Variants in ENTREP2 observed in about 807,000 individuals in gnomAD.
The protein encoded by ENTREP2 is protein ENTREP2.
chr15:29,174,906 T>C, the ENTREP2 span, among the ~76,000 whole-genome samples: 1 of 152,182 alleles, frequency 6.6e-6, no homozygotes, highest in African/African-American at 2.4e-5. Context: ...CTGCTCAGAG[T>C]ATAAGCACAT....
the ENTREP2 span, among the ~76,000 whole-genome samples, chr15:29,497,019 C>A: frequency 6.6e-6 from 1 of 152,058 alleles, no homozygotes; most frequent in Non-Finnish European, 1.5e-5. Flanking sequence ...GAAGTAGGGC[C>A]TAATGGGAGG....
At chr15:29,122,683 C>G in the ENTREP2 span, 1 of 152,236 alleles carries the variant, frequency 6.6e-6, no homozygotes, top group Non-Finnish European at 1.5e-5. Context: ...CTCCAACCCC[C>G]GCAACACCGG....
At chr15:29,292,360 CTTCCTTCTTTCTTTCT>C in the ENTREP2 span, among the ~76,000 whole-genome samples, 8 of 147,962 alleles carry the variant, frequency 5.4e-5, no homozygotes, top group Non-Finnish European at 4.5e-5. Context: ...TCCTTCCTTC[CTTCCTTCTTTCTTTCT>C]TTCCTTCTTT....
chr15:29,341,044 G>A, the ENTREP2 span, among the ~76,000 whole-genome samples: 4 of 152,174 alleles, frequency 2.6e-5, no homozygotes, highest in African/African-American at 7.2e-5. Context: ...TATCACTCCC[G>A]CCTTCCAGTG....
chr15:29,286,337 G>C, the ENTREP2 span, among the ~76,000 whole-genome samples: 1 of 151,730 alleles, frequency 6.6e-6, no homozygotes, highest in African/African-American at 2.4e-5. Context: ...CTCGATATAA[G>C]GTTAATAGAC....
At chr15:29,160,708 C>CAAAAA in the ENTREP2 span, among the ~76,000 whole-genome samples, 9 of 36,262 alleles carry the variant, frequency 2.5e-4, 1 homozygote, top group African/African-American at 8.7e-4. Flanking sequence ...GACTCTGTCT[C>CAAAAA]AAAAAAAAAA....
chr15:29,611,377 TA>T, the ENTREP2 span, among the ~76,000 whole-genome samples: 17 of 147,044 alleles, frequency 1.2e-4, no homozygotes, highest in East Asian at 5.9e-4. Context: ...TAAAACTCAT[TA>T]AAAAAAAAAC....
chr15:29,574,155 C>T, the ENTREP2 span, among the ~76,000 whole-genome samples: 1 of 152,162 alleles, frequency 6.6e-6, no homozygotes, highest in African/African-American at 2.4e-5. Flanking sequence ...GTGTTTGTCT[C>T]TTGTAAAAGC....
chr15:29,400,891 C>A, the ENTREP2 span, among the ~76,000 whole-genome samples: 2 of 152,190 alleles, frequency 1.3e-5, no homozygotes, highest in South Asian at 4.1e-4. Flanking sequence ...CCGTCCCCAT[C>A]CCAGAATAAA....
the ENTREP2 span, chr15:29,121,029 C>T: frequency 6.6e-6 from 1 of 152,402 alleles, no homozygotes; most frequent in East Asian, 1.9e-4. Context: ...GGGCACCCCA[C>T]CCCGTCCCTG....
the ENTREP2 span, among the ~76,000 whole-genome samples, chr15:29,430,818 T>C: frequency 6.6e-6 from 1 of 152,140 alleles, no homozygotes; most frequent in Non-Finnish European, 1.5e-5. Context: ...AAAGGGCCAA[T>C]GACCACTCTG....
the ENTREP2 span, among the ~76,000 whole-genome samples, chr15:29,406,473 G>A: frequency 2.6e-5 from 4 of 152,032 alleles, no homozygotes; most frequent in Admixed American, 1.3e-4. Flanking sequence ...ACTTGAACCT[G>A]GGAGGCAAAG....
chr15:29,622,543 T>C, the ENTREP2 span, among the ~76,000 whole-genome samples: 100 of 152,256 alleles, frequency 6.6e-4, no homozygotes, highest in Middle Eastern at 3.4e-3. Flanking sequence ...TTTTTCACCA[T>C]AACTTTTATA....
the ENTREP2 span, among the ~76,000 whole-genome samples, chr15:29,644,838 GA>G: frequency 6.7e-6 from 1 of 148,480 alleles, no homozygotes; most frequent in African/African-American, 2.5e-5. Context: ...GAAAAAAAAA[GA>G]AAGAAAAGAA....
the ENTREP2 span, among the ~76,000 whole-genome samples, chr15:29,182,360 C>A: frequency 2.0e-5 from 3 of 151,938 alleles, no homozygotes; most frequent in African/African-American, 7.3e-5. Flanking sequence ...CTCCTGACCT[C>A]GTGATCCGCC....
the ENTREP2 span, among the ~76,000 whole-genome samples, chr15:29,600,473 T>C: frequency 6.7e-6 from 1 of 149,016 alleles, no homozygotes; most frequent in Non-Finnish European, 1.5e-5. Flanking sequence ...TCATCATCAA[T>C]CATCATCATC....
chr15:29,491,684 C>G, the ENTREP2 span, among the ~76,000 whole-genome samples: 39 of 152,190 alleles, frequency 2.6e-4, 1 homozygote, highest in African/African-American at 8.9e-4. Flanking sequence ...CTCACACAGC[C>G]CAAAGTTGTT....
At chr15:29,363,725 A>G in the ENTREP2 span, among the ~76,000 whole-genome samples, 1 of 152,348 alleles carries the variant, frequency 6.6e-6, no homozygotes, top group South Asian at 2.1e-4. Context: ...AGACAATCAA[A>G]GCTATTTTTC....
At chr15:29,655,249 A>G in the ENTREP2 span, among the ~76,000 whole-genome samples, 3,409 of 152,286 alleles carry the variant, frequency 0.022, 134 homozygotes, top group African/African-American at 0.078. Flanking sequence ...GAGTGTAACA[A>G]GAAAAACTCT....
Sources: allele counts gnomAD v4.1 joint callset (sites outside exome capture counted in the v4.1 genomes callset), GRCh38; gene constraint gnomAD v4.1.1; transcripts MANE v1.5; gene names NCBI Gene and HGNC (gene_info 2026-07-23, HGNC 2026-07-21).